MYO3A: variants seen among roughly 807,000 people sequenced by gnomAD.
The protein encoded by MYO3A is myosin-IIIa.
In MYO3A, 180 loss-of-function variants were observed where a neutral mutation model predicts 192.7. The observed-to-expected ratio is 0.93, with a 90% confidence interval of 0.83 to 1.06. The LOEUF (loss-of-function observed/expected upper bound fraction) is 1.06. MYO3A is among the 50% of genes least tolerant of loss of function. MYO3A has a pLI of 0.00. For synonymous variants in MYO3A, 628 were observed against 645.3 expected (o/e 0.97, Z 0.41); for missense variants, 1,896 against 1,905.0 (o/e 1.00, Z 0.09).
At chr10:26,117,012 A>G (rs1233963011) in intron 17 of MYO3A, among the ~76,000 whole-genome samples, 1 of 152,192 alleles carries the variant, frequency 6.6e-6, no homozygotes, top group Non-Finnish European at 1.5e-5. Context: ...GAACCCCAAG[A>G]TGTACCTTTC....
At chr10:26,035,613 T>C (rs1842989074) in intron 10 of MYO3A, among the ~76,000 whole-genome samples, 2 of 152,220 alleles carry the variant, frequency 1.3e-5, no homozygotes, top group African/African-American at 4.8e-5. Context: ...ACTTTGAATG[T>C]GGATCCTTAT....
chr10:26,191,650 G>A (rs1843133476), intron 31 of MYO3A, among the ~76,000 whole-genome samples: 1 of 152,118 alleles, frequency 6.6e-6, no homozygotes, highest in African/African-American at 2.4e-5. Context: ...CATACCTTTT[G>A]GAATGAATGA....
At chr10:26,119,082 G>A (rs1838692707) in intron 17 of MYO3A, among the ~76,000 whole-genome samples, 1 of 152,024 alleles carries the variant, frequency 6.6e-6, no homozygotes, top group Non-Finnish European at 1.5e-5. Flanking sequence ...TGCCTTTGCT[G>A]TCCTCTGCCT....
intron 30 of MYO3A, among the ~76,000 whole-genome samples, chr10:26,175,274 C>G (rs1203444314): frequency 6.6e-6 from 1 of 152,172 alleles, no homozygotes; most frequent in East Asian, 1.9e-4. Flanking sequence ...ATGGAAAGAT[C>G]GCAAGAACCG....
At chr10:25,939,658 A>G (rs962042179) in intron 2 of MYO3A, among the ~76,000 whole-genome samples, 1 of 151,916 alleles carries the variant, frequency 6.6e-6, no homozygotes, top group Non-Finnish European at 1.5e-5. Flanking sequence ...ACTTAATTGC[A>G]TTGCAATCAT....
At chr10:26,154,354 A>G (rs1009207133) in intron 24 of MYO3A, among the ~76,000 whole-genome samples, 1 of 151,970 alleles carries the variant, frequency 6.6e-6, no homozygotes, top group Non-Finnish European at 1.5e-5. Flanking sequence ...TAATTTTTCT[A>G]TTTTTAGTAG....
intron 4 of MYO3A, among the ~76,000 whole-genome samples, chr10:25,956,653 A>T (rs566146304): frequency 8.5e-5 from 13 of 152,078 alleles, no homozygotes; most frequent in African/African-American, 2.9e-4. Context: ...CAAATAATAG[A>T]TGATCATTGT....
rs73594307 is a variant in MYO3A at position 26,136,458 on chromosome 10, A to C, written c.2263-6990A>C. Among the ~76,000 whole-genome samples, 834 of 152,348 alleles carry C rather than the reference A, an allele frequency of 5.5e-3. 6 individuals are homozygous for C. The highest frequency in any genetic ancestry group is 0.019 in the African/African-American group (777 of 41,578). On this transcript the variant is annotated intron_variant, in intron 20 of 34. Transcript: ENST00000642920. ...TCACTGCATATACCAGCCTTTTATA[A>C]AAGAAAGATGTCACGAGCCAAAGTC...
rs886046919 is a variant in MYO3A at position 26,026,438 on chromosome 10, A to C, written c.859A>C (p.Ile287Leu). 15 of 1,614,050 alleles carry C rather than the reference A, an allele frequency of 9.3e-6. No individual in the cohort carries two copies. Among genetic ancestry groups the C allele is most frequent in the African/African-American group, 1.3e-5 (1 of 74,952 alleles). ...TVSELLQHKFITQIEGKDVML... is the reference protein window; with the variant it reads ...TVSELLQHKFLTQIEGKDVML... ...GTCAGAACTTTTACAGCATAAATTC[A>C]TTACTCAAATTGAGGGCAAAGATGT... Residue 287 changes from isoleucine (I) to leucine (L), a missense_variant, in exon 10 of 35, where the codon ATT becomes CTT. By Grantham distance (5) the Ile-to-Leu change is conservative. Coordinates refer to ENST00000642920, the MANE Select transcript of MYO3A (RefSeq NM_017433.5).
chr10:26,181,392 C>G (rs543419974), intron 31 of MYO3A, among the ~76,000 whole-genome samples: 2 of 152,152 alleles, frequency 1.3e-5, no homozygotes, highest in South Asian at 4.2e-4. Context: ...ATGTTAAAAC[C>G]TTCTAGAGAT....
intron 2 of MYO3A, among the ~76,000 whole-genome samples, chr10:25,948,136 G>T (rs185823778): frequency 6.6e-6 from 1 of 152,116 alleles, no homozygotes; most frequent in African/African-American, 2.4e-5. Context: ...TCAATATCTG[G>T]AGAAAGAGCA....
chr10:26,134,115 A>G (rs1028928458), intron 20 of MYO3A, among the ~76,000 whole-genome samples: 2 of 152,200 alleles, frequency 1.3e-5, no homozygotes, highest in African/African-American at 4.8e-5. Context: ...TTTTCATCTT[A>G]GCATGCATTA....
At chr10:25,938,195 G>C (rs1042742907) in intron 2 of MYO3A, among the ~76,000 whole-genome samples, 3 of 152,256 alleles carry the variant, frequency 2.0e-5, no homozygotes, top group Middle Eastern at 3.4e-3. Context: ...AACTGTGTAT[G>C]GTCCTGCTGA....
intron 20 of MYO3A, among the ~76,000 whole-genome samples, chr10:26,135,067 A>G (rs1276789033): frequency 1.3e-5 from 2 of 152,204 alleles, no homozygotes; most frequent in African/African-American, 4.8e-5. Context: ...TAGGTTATCT[A>G]TATTTCATTG....
At chr10:26,027,715 A>G (rs1564473254) in intron 10 of MYO3A, among the ~76,000 whole-genome samples, 2 of 152,188 alleles carry the variant, frequency 1.3e-5, no homozygotes, top group African/African-American at 2.4e-5. Context: ...GTCTTCTTTC[A>G]CTGAATAGTG....
chr10:26,100,827 A>G (rs1018084071), intron 17 of MYO3A, among the ~76,000 whole-genome samples: 6 of 152,158 alleles, frequency 3.9e-5, no homozygotes, highest in South Asian at 2.1e-4. Flanking sequence ...TATGTGGTCA[A>G]TTTTGGAATA....
At chr10:25,942,420 C>G (rs1303262246) in intron 2 of MYO3A, among the ~76,000 whole-genome samples, 5 of 152,158 alleles carry the variant, frequency 3.3e-5, no homozygotes, top group Non-Finnish European at 7.3e-5. Flanking sequence ...GTACAAATAT[C>G]TCTTTGAGCC....
intron 7 of MYO3A, among the ~76,000 whole-genome samples, chr10:26,017,316 T>G (rs999694730): frequency 2.0e-5 from 3 of 152,216 alleles, no homozygotes; most frequent in Admixed American, 6.5e-5. Context: ...TGAGTCACTC[T>G]GCCTGGGGGC....
intron 6 of MYO3A, among the ~76,000 whole-genome samples, chr10:26,006,641 T>G (rs560917721): frequency 1.3e-5 from 2 of 152,154 alleles, no homozygotes; most frequent in Admixed American, 1.3e-4. Flanking sequence ...AAGAAATGGA[T>G]AAATTCCTGG....
Sources: gnomAD v4.1 joint callset for allele counts (sites outside exome capture counted in the v4.1 genomes callset) on GRCh38, gnomAD v4.1.1 for gene constraint, MANE v1.5 for transcripts, NCBI Gene and HGNC (gene_info 2026-07-23, HGNC 2026-07-21) for gene names.